The following EVC variants were observed in gnomAD, a reference collection of about 807,000 sequenced individuals.
EVC encodes the protein EvC ciliary complex subunit 1, also known as evC complex member EVC.
EVC carries 116 observed loss-of-function variants against 118.9 expected under a neutral mutation model. The ratio of observed to expected loss-of-function variants is 0.98; its 90% CI spans 0.84 to 1.14. The LOEUF (loss-of-function observed/expected upper bound fraction) is 1.14, where lower values mean the gene tolerates loss of function less well. Ranked by LOEUF, EVC falls within the 50% of genes most tolerant of loss-of-function variation. The pLI is 0.00. For missense variants in EVC, 1,401 were observed against 1,246.4 expected, an observed-to-expected ratio of 1.12 and a Z score of -1.87; for synonymous variants, 619 against 534.7, an observed-to-expected ratio of 1.16 and a Z score of -2.18.
chr4:5,771,612 T>C (rs1486679103), intron 11 of EVC, among the ~76,000 whole-genome samples: 1 of 152,120 alleles, frequency 6.6e-6, no homozygotes, highest in African/African-American at 2.4e-5. Context: ...AATAAATTTG[T>C]TTATTGAAGG....
intron 11 of EVC, among the ~76,000 whole-genome samples, chr4:5,779,485 A>T (rs1386789351): frequency 6.7e-6 from 1 of 148,890 alleles, no homozygotes; most frequent in African/African-American, 2.6e-5. Context: ...ATGGAATGTT[A>T]TTCCATTTGT....
chr4:5,757,239 G>A (rs963196181), intron 11 of EVC, among the ~76,000 whole-genome samples: 1 of 152,220 alleles, frequency 6.6e-6, no homozygotes, highest in Non-Finnish European at 1.5e-5. Context: ...TCTGAGTGCA[G>A]AGGAGAGGCA....
intron 8 of EVC, chr4:5,752,565 G>A (rs1730547707): frequency 3.6e-6 from 2 of 553,890 alleles, no homozygotes; most frequent in African/African-American, 1.9e-5. Flanking sequence ...CTAGGAGGGT[G>A]GCCCTCTGGG....
chr4:5,819,344 A>G, the EVC span, among the ~76,000 whole-genome samples: 2 of 152,172 alleles, frequency 1.3e-5, no homozygotes, highest in African/African-American at 2.4e-5. Flanking sequence ...GCCTTCCCCT[A>G]AAACTTTCTG....
chr4:5,819,334 G>C, the EVC span, among the ~76,000 whole-genome samples: 1 of 152,152 alleles, frequency 6.6e-6, no homozygotes, highest in Non-Finnish European at 1.5e-5. Context: ...AATGAGAATA[G>C]CCTTCCCCTA....
In EVC at chr4:5,814,284, A is replaced by G. The variant is rs1366813312; in HGVS notation, c.*3247A>G. On this transcript the variant is annotated 3_prime_UTR_variant, in exon 21 of 21. Coordinates refer to ENST00000264956, the MANE Select transcript of EVC (RefSeq NM_153717.3). ...GATGATGTATTATGATGAACTCATGATTTAATTCTTTGGTGAAAATAGCAC... is the reference window on the plus strand; with the variant it reads ...GATGATGTATTATGATGAACTCATGGTTTAATTCTTTGGTGAAAATAGCAC... 6.6e-6 allele frequency: 1 copy of G among 152,232 alleles called. No individual in the cohort carries two copies. The highest frequency in any genetic ancestry group is 2.4e-5 in the African/African-American group (1 of 41,434). 9.4% of individuals were successfully genotyped at this position (152,232 alleles called of 1,614,324 possible).
chr4:5,746,478 C>G lies in EVC; in HGVS notation c.939+1137C>G, dbSNP rs368487091. Among the ~76,000 whole-genome samples, 5 of 152,140 alleles carry G rather than the reference C, an allele frequency of 3.3e-5. No individual in the cohort carries two copies. The South Asian group carries it at 6.2e-4, about 19-fold the overall frequency. On this transcript the variant is annotated intron_variant, in intron 7 of 20. Coordinates refer to ENST00000264956, the MANE Select transcript of EVC (RefSeq NM_153717.3). The surrounding 1 kb of genome is among the most constrained non-coding windows in gnomAD (Gnocchi z 5.8). ...TCATGGGAGGGAGGGAGCCAATGCT[C>G]CTGTCCTCTGAATAGGTCCAATATT...
At chr4:5,720,949 T>C (rs889028216) in intron 2 of EVC, among the ~76,000 whole-genome samples, 1 of 152,194 alleles carries the variant, frequency 6.6e-6, no homozygotes, top group African/African-American at 2.4e-5. Context: ...CCTATTTGAA[T>C]GTGCCCTGTG....
rs1727901582 is a variant in EVC, at chr4:5,737,617, G to C, written c.703-4099G>C. ...CGAAAGTCCTAGGGCCCTTAAGGGTGATGCTAAATCTACTCTGCCTGTGCT... is the reference window on the plus strand; with the variant it reads ...CGAAAGTCCTAGGGCCCTTAAGGGTCATGCTAAATCTACTCTGCCTGTGCT... On this transcript the variant is annotated intron_variant, in intron 5 of 20. Transcript: ENST00000264956. The surrounding 1 kb of genome is among the most constrained non-coding windows in gnomAD (Gnocchi z 5.0). Among the ~76,000 whole-genome samples, 1 of 152,208 alleles carries C rather than the reference G, an allele frequency of 6.6e-6. No individual in the cohort carries two copies. Among genetic ancestry groups the C allele is most frequent in the Non-Finnish European group, 1.5e-5 (1 of 68,038 alleles).
intron 16 of EVC, 78 bp downstream of exon 16, chr4:5,802,172 A>G (rs925953459): frequency 2.6e-6 from 4 of 1,538,312 alleles, no homozygotes; most frequent in African/African-American, 1.4e-5. Flanking sequence ...ATAGGATGTC[A>G]GATACTGTGA....
chr4:5,732,231 G>A (rs1726940731), intron 4 of EVC, among the ~76,000 whole-genome samples: 1 of 152,212 alleles, frequency 6.6e-6, no homozygotes, highest in African/African-American at 2.4e-5. Context: ...TCCGCACGTG[G>A]TGGGGGCTTA....
At chr4:5,783,351 G>C (rs964294650) in intron 11 of EVC, among the ~76,000 whole-genome samples, 15 of 152,208 alleles carry the variant, frequency 9.9e-5, no homozygotes, top group Middle Eastern at 6.8e-3. Flanking sequence ...TTACTTGTCT[G>C]TGTGTACAAG....
At chr4:5,828,396 T>C in the EVC span, 1 of 1,502,204 alleles carries the variant, frequency 6.7e-7, no homozygotes, top group Non-Finnish European at 8.9e-7. Context: ...GCGATGACAT[T>C]ATTAACTCTG....
chr4:5,802,466 C>A (rs1046903450), intron 16 of EVC, among the ~76,000 whole-genome samples: 2 of 152,140 alleles, frequency 1.3e-5, no homozygotes, highest in African/African-American at 2.4e-5. Context: ...GAAATGGTTT[C>A]AGACGATTCA....
At position 5,798,814 on chromosome 4, in the gene EVC, T is replaced by C. The variant is rs1255979425; in HGVS notation, c.2304+22T>C. 1 of 1,604,980 alleles carries C rather than the reference T, an allele frequency of 6.2e-7. No homozygotes were observed. Among genetic ancestry groups the C allele is most frequent in the Non-Finnish European group, 8.5e-7 (1 of 1,176,790 alleles). On this transcript the variant is annotated intron_variant, in intron 15 of 20. Transcript: ENST00000264956. The surrounding 1 kb of genome is among the most constrained non-coding windows in gnomAD (Gnocchi z 4.1). ...CAAGGTATGCACTGACCTCTGTCCC[T>C]GGGGACACCGAGGGCAAGAATGTTC...
rs1731059532 is a variant in EVC at position 5,755,711 on chromosome 4, TC to T, written c.1465-551del. On this transcript the variant is annotated intron_variant, in intron 10 of 20. Coordinates refer to ENST00000264956, the MANE Select transcript of EVC (RefSeq NM_153717.3). The surrounding 1 kb of genome is among the most constrained non-coding windows in gnomAD (Gnocchi z 4.1). ...CAACCCTTCCCTGAGAAGGGTCTGT[TC>T]CTCTGTCCTTCTGCCCCACCTCGCC... Among the ~76,000 whole-genome samples the T allele has an allele frequency of 6.6e-6, 1 of 152,144 alleles. No homozygotes were observed. The highest frequency in any genetic ancestry group is 6.5e-5 in the Admixed American group (1 of 15,280).
chr4:5,731,758 C>A lies in EVC; in HGVS notation c.617+101C>A. On this transcript the variant is annotated intron_variant, in intron 4 of 20. Transcript: ENST00000264956. The surrounding 1 kb of genome is among the most constrained non-coding windows in gnomAD (Gnocchi z 5.6). ...GAGGAAACAGAGGCCCAGAGAGGTT[C>A]AGTGACTCTGCCAGGGACACACAGC... 1 of 1,202,616 alleles carries A rather than the reference C, an allele frequency of 8.3e-7. No individual in the cohort carries two copies. The highest frequency in any genetic ancestry group is 1.2e-6 in the Non-Finnish European group (1 of 831,696). The allele number at this position is 1,202,616 out of a possible 1,614,324, so 74.5% of individuals were successfully genotyped here.
chr4:5,827,650 A>C, the EVC span, among the ~76,000 whole-genome samples: 2 of 151,910 alleles, frequency 1.3e-5, no homozygotes, highest in Admixed American at 1.3e-4. Flanking sequence ...ACACGCACAC[A>C]CATCCCCATA....
intron 3 of EVC, among the ~76,000 whole-genome samples, chr4:5,730,497 A>G (rs1218822995): frequency 6.6e-6 from 1 of 152,046 alleles, no homozygotes; most frequent in Non-Finnish European, 1.5e-5. Context: ...GGGTGGATGA[A>G]GGGCATTTCT....
Sources: allele counts gnomAD v4.1 joint callset (sites outside exome capture counted in the v4.1 genomes callset), GRCh38; gene constraint gnomAD v4.1.1; non-coding constraint Gnocchi (gnomAD v3.1); transcripts MANE v1.5; gene names NCBI Gene and HGNC (gene_info 2026-07-23, HGNC 2026-07-21).